Variants in CYTH1 observed in about 807,000 individuals in gnomAD.
The protein encoded by CYTH1 is cytohesin 1.
A neutral mutation model predicts 61.8 loss-of-function variants in CYTH1; 18 were observed. The observed-to-expected ratio is 0.29, with a 90% CI of 0.20 to 0.43. CYTH1 has a LOEUF of 0.43. CYTH1 is among the 20% of genes least tolerant of loss of function. CYTH1 has a pLI of 1.00. For missense variants in CYTH1, 336 were observed against 510.5 expected (o/e 0.66, Z 3.29); for synonymous variants, 174 against 184.3 (o/e 0.94, Z 0.45).
chr17:78,729,499 G>A (rs569484145), intron 1 of CYTH1, among the ~76,000 whole-genome samples: 1 of 152,186 alleles, frequency 6.6e-6, no homozygotes, highest in Admixed American at 6.5e-5. Flanking sequence ...ACGAAATACT[G>A]TCAGGGGAGT....
intron 1 of CYTH1, among the ~76,000 whole-genome samples, chr17:78,711,312 TATACACACACAC>T (rs1244005660): frequency 3.0e-5 from 4 of 132,110 alleles, no homozygotes; most frequent in African/African-American, 1.0e-4. Flanking sequence ...AATATATATA[TATACACACACAC>T]ACACACACAC....
At chr17:78,729,351 AAGAC>A (rs1336067449) in intron 1 of CYTH1, among the ~76,000 whole-genome samples, 3 of 152,382 alleles carry the variant, frequency 2.0e-5, no homozygotes, top group African/African-American at 7.2e-5. Context: ...AAGGATATAA[AAGAC>A]AGATTACAAA....
chr17:78,779,591 G>T (rs8079047), intron 1 of CYTH1, among the ~76,000 whole-genome samples: 80,839 of 151,850 alleles, frequency 0.53, 21,700 homozygotes, highest in East Asian at 0.6. Context: ...CTAATCCTTA[G>T]CCTTGATTAT....
chr17:78,769,024 TA>T (rs2093460084), intron 1 of CYTH1, among the ~76,000 whole-genome samples: 1 of 151,670 alleles, frequency 6.6e-6, no homozygotes, highest in Non-Finnish European at 1.5e-5. Flanking sequence ...CACATGCCTG[TA>T]ATCACAGCTA....
At chr17:78,779,606 G>C (rs1280608473) in intron 1 of CYTH1, among the ~76,000 whole-genome samples, 1 of 152,110 alleles carries the variant, frequency 6.6e-6, no homozygotes, top group Non-Finnish European at 1.5e-5. Flanking sequence ...GATTATCCAG[G>C]TGGGTCCCAC....
chr17:78,689,096 A>C (rs1204092456), intron 11 of CYTH1, among the ~76,000 whole-genome samples: 2 of 152,146 alleles, frequency 1.3e-5, no homozygotes, highest in African/African-American at 4.8e-5. Context: ...GTGGTAAATA[A>C]AATAACGGGC....
At chr17:78,680,384 A>G in intron 12 of CYTH1, 40 bp from the exon 13 acceptor site, 3 of 1,577,598 alleles carry the variant, frequency 1.9e-6, no homozygotes, top group Non-Finnish European at 2.6e-6. Flanking sequence ...GGAGCAAAGG[A>G]AGCTGTTAAC....
At chr17:78,712,102 A>AAGGAAGGAAGGG (rs1240981839) in intron 1 of CYTH1, among the ~76,000 whole-genome samples, 1 of 133,020 alleles carries the variant, frequency 7.5e-6, no homozygotes, top group Non-Finnish European at 1.6e-5. Flanking sequence ...GGAAAGAAGG[A>AAGGAAGGAAGGG]AGGAAGGAAG....
At chr17:78,742,988 G>T (rs2093347004) in intron 1 of CYTH1, among the ~76,000 whole-genome samples, 2 of 152,320 alleles carry the variant, frequency 1.3e-5, no homozygotes, top group East Asian at 3.9e-4. Context: ...CTACGCTTCT[G>T]TGGTGTGGTG....
chr17:78,772,473 A>G (rs1436376910), intron 1 of CYTH1, among the ~76,000 whole-genome samples: 1 of 152,224 alleles, frequency 6.6e-6, no homozygotes, highest in Non-Finnish European at 1.5e-5. Flanking sequence ...TAACACATGG[A>G]ACATTTAGAA....
intron 13 of CYTH1, among the ~76,000 whole-genome samples, chr17:78,679,904 T>C (rs2092739990): frequency 1.3e-5 from 2 of 152,202 alleles, no homozygotes; most frequent in African/African-American, 2.4e-5. Flanking sequence ...GAAAGACCAG[T>C]TGAGCAGATG....
At chr17:78,770,683 G>A (rs2093467929) in intron 1 of CYTH1, among the ~76,000 whole-genome samples, 1 of 152,140 alleles carries the variant, frequency 6.6e-6, no homozygotes, top group South Asian at 2.1e-4. Flanking sequence ...TGGGATTACA[G>A]GTGTGAGCCA....
At chr17:78,684,675 GAT>G (rs2144071335) in intron 11 of CYTH1, among the ~76,000 whole-genome samples, 1 of 152,326 alleles carries the variant, frequency 6.6e-6, no homozygotes, top group Non-Finnish European at 1.5e-5. Flanking sequence ...ATTAGGTGAA[GAT>G]ATTTTGTGTG....
chr17:78,733,731 G>A (rs532793841), intron 1 of CYTH1, among the ~76,000 whole-genome samples: 13 of 152,244 alleles, frequency 8.5e-5, no homozygotes, highest in Non-Finnish European at 1.3e-4. Context: ...AAGGACCAAC[G>A]GATTCCCCAG....
Position 78,680,319 on chromosome 17 carries a change from T to C in CYTH1, c.989A>G (p.Asp330Gly). ...KPNCFELYIP[D>G]NKDQVIKACK... is the part of the protein sequence containing the mutation. ...GGCCTTGATAACTTGGTCTTTATTGTCGGGGATATAAAGCTCAAAGCAGTT... is the reference window on the plus strand; with the variant it reads ...GGCCTTGATAACTTGGTCTTTATTGCCGGGGATATAAAGCTCAAAGCAGTT... Residue 330 changes from aspartate to glycine, a missense_variant, in exon 13 of 14, where the codon GAC (aspartate) becomes GGC (glycine). Coordinates refer to ENST00000446868, the MANE Select transcript of CYTH1 (RefSeq NM_004762.6). The C allele has an allele frequency of 6.2e-7, 1 of 1,613,982 alleles. No homozygotes were observed. The highest frequency in any genetic ancestry group is 1.7e-5 in the Admixed American group (1 of 59,992).
chr17:78,760,557 GTATATATATATACACATACATATA>G lies in CYTH1; in HGVS notation c.22+21621_22+21644del, dbSNP rs2093424180. On this transcript the variant is annotated intron_variant, in intron 1 of 13. Coordinates refer to ENST00000446868, the MANE Select transcript of CYTH1 (RefSeq NM_004762.6). ...CATACATATATATGTATATATATAT[GTATATATATATACACATACATATA>G]TATGTATATATATGTATATATATAG... 2.2e-4 allele frequency among the ~76,000 whole-genome samples: 5 copies of G among 22,482 alleles called. 1 individual carries two copies. The East Asian group carries it at 3.7e-3, about 16-fold the overall frequency. The allele number at this position is 22,482 out of a possible 152,430, so 14.7% of individuals were successfully genotyped here. A position where few individuals can be genotyped will look rare whatever the true frequency, so the allele number is the denominator to read the frequency against.
intron 11 of CYTH1, among the ~76,000 whole-genome samples, chr17:78,687,997 G>C (rs1463911646): frequency 6.6e-6 from 1 of 152,204 alleles, no homozygotes; most frequent in Non-Finnish European, 1.5e-5. Context: ...AGGGCTGCAT[G>C]AACAGACCTG....
chr17:78,764,043 A>T (rs2093438914), intron 1 of CYTH1, among the ~76,000 whole-genome samples: 1 of 152,020 alleles, frequency 6.6e-6, no homozygotes, highest in African/African-American at 2.4e-5. Flanking sequence ...CCCGGGAGGC[A>T]GAGGTTGCAG....
chr17:78,723,367 G>C (rs2093245596), intron 1 of CYTH1: 1 of 152,488 alleles, frequency 6.6e-6, no homozygotes, highest in Non-Finnish European at 1.5e-5. Context: ...TCCCACAGCT[G>C]TAGGTGCAGG....
Sources: gnomAD v4.1 joint callset for allele counts (sites outside exome capture counted in the v4.1 genomes callset) on GRCh38, gnomAD v4.1.1 for gene constraint, MANE v1.5 for transcripts, NCBI Gene and HGNC (gene_info 2026-07-23, HGNC 2026-07-21) for gene names.